Variants in VPS8 observed in about 807,000 individuals in gnomAD.
VPS8 encodes vacuolar protein sorting-associated protein 8 homolog.
VPS8 carries 129 observed loss-of-function variants against 216.4 expected under a neutral mutation model. That is an observed-to-expected ratio of 0.60 (90% CI 0.52 to 0.69). The LOEUF is 0.69. Ranked by LOEUF, VPS8 falls within the 30% of genes least tolerant of loss-of-function variation. VPS8 has a pLI of 0.00. For synonymous variants in VPS8, 571 were observed against 565.4 expected (o/e 1.01, Z -0.14); for missense variants, 1,531 against 1,683.5 (o/e 0.91, Z 1.59).
rs1731149912 is a variant in VPS8, at chr3:184,886,015, T to C, written c.1735-95T>C. The C allele has an allele frequency of 2.9e-6, 4 of 1,368,420 alleles. No individual in the cohort carries two copies. The South Asian group carries it at 4.0e-5, about 14-fold the overall frequency. 84.8% of individuals were successfully genotyped at this position (1,368,420 alleles called of 1,614,324 possible). On this transcript the variant is annotated intron_variant, in intron 21 of 47. Coordinates refer to ENST00000625842, the MANE Select transcript of VPS8 (RefSeq NM_001009921.3). Reference sequence around the variant, plus strand: ...AGCATGATATGAAGTTATATCCTCCTAACAATCTAAAAGCATCTTAAGCAG... The same window carrying C: ...AGCATGATATGAAGTTATATCCTCCCAACAATCTAAAAGCATCTTAAGCAG...
intron 29 of VPS8, among the ~76,000 whole-genome samples, chr3:184,923,445 C>T (rs2109159917): frequency 6.6e-6 from 1 of 152,258 alleles, no homozygotes; most frequent in African/African-American, 2.4e-5. Flanking sequence ...ACTTAAGAGC[C>T]CTTTAGTCTC....
At chr3:184,902,825 G>A (rs1460397928) in intron 25 of VPS8, among the ~76,000 whole-genome samples, 1 of 136,746 alleles carries the variant, frequency 7.3e-6, no homozygotes, top group African/African-American at 3.0e-5. Flanking sequence ...GTGAGATGCT[G>A]TCTCAAAAAA....
intron 19 of VPS8, 67 bp downstream of exon 19, chr3:184,869,103 AC>A (rs2108769756): frequency 7.0e-7 from 1 of 1,432,314 alleles, no homozygotes; most frequent in African/African-American, 1.4e-5. Flanking sequence ...GTTAGTACTA[AC>A]CACTCATAGG....
intron 3 of VPS8, 93 bp from the exon 4 acceptor site, chr3:184,832,596 C>T: frequency 8.9e-7 from 1 of 1,119,576 alleles, no homozygotes; most frequent in Non-Finnish European, 1.2e-6. Flanking sequence ...CAGAAATAAG[C>T]ACTTGTGTGC....
chr3:184,989,447 T>C (rs1751573779), intron 42 of VPS8, among the ~76,000 whole-genome samples: 1 of 152,104 alleles, frequency 6.6e-6, no homozygotes, highest in African/African-American at 2.4e-5. Flanking sequence ...TTTCCTTTTT[T>C]GTGGAGAATG....
intron 45 of VPS8, among the ~76,000 whole-genome samples, chr3:185,021,929 C>G (rs9835082): frequency 1.3e-5 from 2 of 152,120 alleles, no homozygotes; most frequent in Non-Finnish European, 2.9e-5. Flanking sequence ...CAGATAGTAT[C>G]GAGTATCCAT....
At chr3:185,032,243 T>C (rs1758281063) in intron 46 of VPS8, among the ~76,000 whole-genome samples, 2 of 152,160 alleles carry the variant, frequency 1.3e-5, no homozygotes, top group African/African-American at 2.4e-5. Flanking sequence ...CCTAAACTAA[T>C]AGAATGTGTT....
intron 34 of VPS8, 131 bp from the exon 35 acceptor site, chr3:184,936,115 A>G (rs1477289679): frequency 7.9e-6 from 5 of 636,298 alleles, no homozygotes; most frequent in Non-Finnish European, 1.3e-5. Context: ...TTGAGGCCCT[A>G]TATCAAGGTC....
chr3:185,002,486 G>A (rs958012607), intron 45 of VPS8, among the ~76,000 whole-genome samples: 4 of 152,056 alleles, frequency 2.6e-5, no homozygotes, highest in African/African-American at 7.2e-5. Flanking sequence ...AGGAACAGGT[G>A]GTTTTTGATT....
intron 3 of VPS8, among the ~76,000 whole-genome samples, chr3:184,830,074 A>G (rs966085573): frequency 6.6e-6 from 1 of 152,110 alleles, no homozygotes; most frequent in Non-Finnish European, 1.5e-5. Flanking sequence ...AATTTTTCCA[A>G]TTCTGATGTT....
intron 39 of VPS8, among the ~76,000 whole-genome samples, chr3:184,967,110 G>A (rs926373612): frequency 2.0e-5 from 3 of 152,206 alleles, no homozygotes; most frequent in Middle Eastern, 3.4e-3. Context: ...GGGACTACAG[G>A]CGTATGCCAT....
intron 15 of VPS8, among the ~76,000 whole-genome samples, chr3:184,861,691 T>G (rs1204363463): frequency 6.6e-6 from 1 of 152,214 alleles, no homozygotes; most frequent in Non-Finnish European, 1.5e-5. Context: ...AAATTACCCT[T>G]AAAAGGCTTA....
At chr3:184,946,707 G>T (rs563710691) in intron 36 of VPS8, among the ~76,000 whole-genome samples, 1 of 152,132 alleles carries the variant, frequency 6.6e-6, no homozygotes, top group South Asian at 2.1e-4. Context: ...TGACCTACGT[G>T]TTCATCAGGT....
At chr3:184,921,388 A>G (rs1320464405) in intron 29 of VPS8, among the ~76,000 whole-genome samples, 1 of 152,146 alleles carries the variant, frequency 6.6e-6, no homozygotes, top group Non-Finnish European at 1.5e-5. Context: ...TCTGCATTCT[A>G]GCCAGCCTGA....
At chr3:184,860,502 G>C (rs372989490) in intron 15 of VPS8, among the ~76,000 whole-genome samples, 1 of 130,236 alleles carries the variant, frequency 7.7e-6, no homozygotes, top group South Asian at 2.4e-4. Context: ...CACACACACA[G>C]AAAGAGGGAG....
In VPS8 at chr3:184,929,643, C is replaced by T. The variant is rs1334909783; in HGVS notation, c.2778C>T (p.Tyr926=). ...AATATGATAAAATTATTGATTGCTA[C>T]TTACGTGACCCTCTGCGAGAGGTGA... ...EHQYDKIIDC[Y]LRDPLREEEV... Residue 926 remains tyrosine (Y), a synonymous_variant, in exon 33 of 48, where the codon TAC becomes TAT. Transcript: ENST00000625842. 3 of 1,525,224 alleles carry T rather than the reference C, an allele frequency of 2.0e-6. No homozygotes were observed. In the Admixed American group the frequency reaches 6.4e-5, roughly 33 times the overall value. 94.5% of individuals were successfully genotyped at this position (1,525,224 alleles called of 1,614,324 possible).
At chr3:185,019,347 G>GACAC (rs111857967) in intron 45 of VPS8, among the ~76,000 whole-genome samples, 1,856 of 149,868 alleles carry the variant, frequency 0.012, 45 homozygotes, top group African/African-American at 0.042. Flanking sequence ...AGGAATTAAA[G>GACAC]ACACACACAC....
chr3:184,843,329 T>C, intron 8 of VPS8, 84 bp downstream of exon 8: 1 of 1,054,230 alleles, frequency 9.5e-7, no homozygotes, highest in Admixed American at 3.5e-5. Context: ...TTATAGTCAA[T>C]GTCCTCTTAC....
Position 184,855,825 on chromosome 3 carries a change from C to T in VPS8, c.1143+7C>T. 1.1e-5 allele frequency: 17 copies of T among 1,584,208 alleles called. No homozygotes were observed. Among genetic ancestry groups the T allele is most frequent in the Non-Finnish European group, 1.5e-5 (17 of 1,165,940 alleles). On this transcript the variant is annotated splice_region_variant and intron_variant, in intron 14 of 47. Coordinates refer to ENST00000625842, the MANE Select transcript of VPS8 (RefSeq NM_001009921.3). ...TGTTGTTCATTTTCTATTGGTAAGT[C>T]CTAATATGACCATTAGAAAGCCTCT...
Sources: allele counts gnomAD v4.1 joint callset (sites outside exome capture counted in the v4.1 genomes callset), GRCh38; gene constraint gnomAD v4.1.1; transcripts MANE v1.5; gene names NCBI Gene and HGNC (gene_info 2026-07-23, HGNC 2026-07-21).